ZNF487: variants seen among roughly 807,000 people sequenced by gnomAD.
The protein encoded by ZNF487 is zinc finger protein 487.
A neutral mutation model predicts 3.0 loss-of-function variants in ZNF487; 4 were observed. The observed-to-expected ratio is 1.35, with a 90% confidence interval of 0.66 to 3.08. ZNF487 has a LOEUF of 3.08. ZNF487 is among the 30% of genes most tolerant of loss of function. The probability of loss-of-function intolerance (pLI) is 0.01; values close to 1 mark genes in which losing one functional copy is unlikely to be tolerated. For synonymous variants in ZNF487, 55 were observed against 34.6 expected (o/e 1.59, Z -2.06); for missense variants, 146 against 98.7 (o/e 1.48, Z -2.03).
the ZNF487 span, among the ~76,000 whole-genome samples, chr10:43,521,638 A>G: frequency 1.3e-5 from 2 of 152,146 alleles, no homozygotes; most frequent in Admixed American, 1.3e-4. Flanking sequence ...AAGCACCAAG[A>G]GTCTTGATTT....
At chr10:43,479,625 CT>C (rs539440328) in intron 3 of ZNF487, among the ~76,000 whole-genome samples, 2 of 151,760 alleles carry the variant, frequency 1.3e-5, no homozygotes, top group African/African-American at 2.4e-5. Context: ...TAGTTTCTTT[CT>C]TTTTTTTGTT....
At chr10:43,488,505 A>C in the ZNF487 span, among the ~76,000 whole-genome samples, 1 of 152,240 alleles carries the variant, frequency 6.6e-6, no homozygotes, top group Non-Finnish European at 1.5e-5. Context: ...AAAAGTGATT[A>C]AATCTAAAGC....
chr10:43,448,458 C>A (rs1839892419), intron 1 of ZNF487, among the ~76,000 whole-genome samples: 1 of 152,058 alleles, frequency 6.6e-6, no homozygotes, highest in Admixed American at 6.6e-5. Context: ...GTACAGTTGA[C>A]CCTTAAACAA....
chr10:43,504,921 G>T, the ZNF487 span, among the ~76,000 whole-genome samples: 1 of 151,444 alleles, frequency 6.6e-6, no homozygotes, highest in South Asian at 2.1e-4. Flanking sequence ...GCCAAAGGTG[G>T]TCTCAAACTC....
At chr10:43,458,350 T>C (rs1840297927) in intron 1 of ZNF487, among the ~76,000 whole-genome samples, 1 of 152,188 alleles carries the variant, frequency 6.6e-6, no homozygotes. Flanking sequence ...GTGGGACAAC[T>C]TGAAGGGCAG....
chr10:43,498,099 A>ATTTTTTTTTTTTTTTTTTTTT, the ZNF487 span, among the ~76,000 whole-genome samples: 1 of 20,188 alleles, frequency 5.0e-5, no homozygotes, highest in Non-Finnish European at 7.3e-5. Flanking sequence ...ATATATATAT[A>ATTTTTTTTTTTTTTTTTTTTT]TTTTTTTTTT....
At chr10:43,517,569 A>G in the ZNF487 span, among the ~76,000 whole-genome samples, 2 of 152,296 alleles carry the variant, frequency 1.3e-5, no homozygotes, top group East Asian at 3.9e-4. Context: ...CCTCTTTGAC[A>G]TTGCACTGTA....
At chr10:43,457,911 A>G (rs1840276959) in intron 1 of ZNF487, among the ~76,000 whole-genome samples, 1 of 151,214 alleles carries the variant, frequency 6.6e-6, no homozygotes, top group Non-Finnish European at 1.5e-5. Context: ...AGTCCCAGCT[A>G]CTCGGGAGGC....
intron 1 of ZNF487, among the ~76,000 whole-genome samples, chr10:43,472,853 G>A (rs1840951398): frequency 1.3e-5 from 2 of 151,834 alleles, no homozygotes; most frequent in South Asian, 4.1e-4. Context: ...TAATTTATAA[G>A]CATTTATAAT....
chr10:43,485,389 A>G (rs1032912439), downstream of ZNF487, among the ~76,000 whole-genome samples: 5 of 152,236 alleles, frequency 3.3e-5, no homozygotes, highest in African/African-American at 1.2e-4. Context: ...TGCACAATGC[A>G]GACATCTGTC....
the ZNF487 span, among the ~76,000 whole-genome samples, chr10:43,504,729 T>G: frequency 1.1e-4 from 17 of 151,786 alleles, no homozygotes; most frequent in African/African-American, 2.4e-4. Context: ...TGTTGTTTTT[T>G]TTTTGGAGAC....
intron 1 of ZNF487, among the ~76,000 whole-genome samples, chr10:43,455,440 G>C (rs73255826): frequency 6.6e-6 from 1 of 152,224 alleles, no homozygotes; most frequent in East Asian, 1.9e-4. Flanking sequence ...TGCTTTCCGG[G>C]AGAATCCCTG....
At chr10:43,450,561 C>T (rs1839970071) in intron 1 of ZNF487, among the ~76,000 whole-genome samples, 1 of 151,080 alleles carries the variant, frequency 6.6e-6, no homozygotes, top group African/African-American at 2.4e-5. Flanking sequence ...ACCATGTTGG[C>T]CAGGAGTTCG....
chr10:43,520,167 G>A, the ZNF487 span, among the ~76,000 whole-genome samples: 1 of 145,960 alleles, frequency 6.9e-6, no homozygotes, highest in African/African-American at 2.5e-5. Context: ...TCTGATACCT[G>A]ACCAGATTAA....
At chr10:43,476,853 C>T (rs1474252941) in intron 3 of ZNF487, among the ~76,000 whole-genome samples, 3 of 151,758 alleles carry the variant, frequency 2.0e-5, no homozygotes, top group Non-Finnish European at 2.9e-5. Context: ...GCTGAGGTGC[C>T]GATATATTCG....
chr10:43,464,189 T>C (rs998760949), intron 1 of ZNF487, among the ~76,000 whole-genome samples: 5 of 150,284 alleles, frequency 3.3e-5, no homozygotes, highest in East Asian at 1.9e-4. Flanking sequence ...TTTCTTTTTT[T>C]TTTTTTTGTT....
chr10:43,477,486 C>G (rs1042662079), intron 3 of ZNF487, among the ~76,000 whole-genome samples: 6 of 151,872 alleles, frequency 4.0e-5, no homozygotes, highest in Non-Finnish European at 2.9e-5. Context: ...TGAGCCACTG[C>G]GCCTGGCTTC....
intron 1 of ZNF487, among the ~76,000 whole-genome samples, chr10:43,473,011 A>C (rs1168436812): frequency 1.5e-5 from 2 of 136,462 alleles, no homozygotes; most frequent in African/African-American, 5.8e-5. Flanking sequence ...GTGCCACTGC[A>C]CTCCAGTCTG....
chr10:43,485,829 A>G (rs1841465831), downstream of ZNF487, among the ~76,000 whole-genome samples: 1 of 152,306 alleles, frequency 6.6e-6, no homozygotes, highest in African/African-American at 2.4e-5. Context: ...CAGGGATAAA[A>G]TGTAGAGTAT....
Sources: allele counts gnomAD v4.1 joint callset (sites outside exome capture counted in the v4.1 genomes callset), GRCh38; gene constraint gnomAD v4.1.1; transcripts MANE v1.5; gene names NCBI Gene and HGNC (gene_info 2026-07-23, HGNC 2026-07-21).